PIGH: variants seen among roughly 807,000 people sequenced by gnomAD.
PIGH encodes phosphatidylinositol glycan anchor biosynthesis class H.
PIGH carries 11 observed loss-of-function variants against 20.1 expected under a neutral mutation model. That is an observed-to-expected ratio of 0.55 (90% confidence interval 0.34 to 0.91). The LOEUF is 0.91. Among genes scored for constraint, PIGH ranks in the 40% least tolerant of loss-of-function variants. The pLI is 0.02. For missense variants in PIGH, 189 were observed against 233.6 expected, an observed-to-expected ratio of 0.81 and a Z score of 1.24; for synonymous variants, 72 against 93.1, an observed-to-expected ratio of 0.77 and a Z score of 1.31.
At position 67,589,758 on chromosome 14, in the gene PIGH, A is replaced by T. The variant is rs1333568405; in HGVS notation, c.*322T>A. 2 of 1,038,450 alleles carry T rather than the reference A, an allele frequency of 1.9e-6. No individual in the cohort carries two copies. The highest frequency in any genetic ancestry group is 3.4e-5 in the African/African-American group (2 of 59,304). The allele number at this position is 1,038,450 out of a possible 1,614,324, so 64.3% of individuals were successfully genotyped here. On this transcript the variant is annotated 3_prime_UTR_variant, in exon 4 of 4. Coordinates refer to ENST00000216452, the MANE Select transcript of PIGH (RefSeq NM_004569.5). ...TTTCCCATTGTTTTGCTTCACAAAC[A>T]TCAACAAAGTAAACCTGAACATGCT... is the stretch of plus-strand genomic sequence containing the variant.
rs2036297080 is a variant in PIGH, at chr14:67,589,408, C to CAA, written c.*670_*671dup. On this transcript the variant is annotated 3_prime_UTR_variant, in exon 4 of 4. Transcript: ENST00000216452. ...TGGCCTTTTGTCTCATCCTTCTTGG[C>CAA]AAAAGTAGCTTTTGAACTGATATAA... is the stretch of plus-strand genomic sequence containing the variant. 35 of 985,188 alleles carry CAA rather than the reference C, an allele frequency of 3.6e-5. No homozygotes were observed. Among genetic ancestry groups the CAA allele is most frequent in the Non-Finnish European group, 4.2e-5 (35 of 829,828 alleles). 61.0% of individuals were successfully genotyped at this position (985,188 alleles called of 1,614,324 possible).
At chr14:67,599,463 T>G (rs925349119) in intron 1 of PIGH, among the ~76,000 whole-genome samples, 1 of 152,058 alleles carries the variant, frequency 6.6e-6, no homozygotes, top group Non-Finnish European at 1.5e-5. Context: ...AGAAAGTACT[T>G]GAAATTGGGG....
intron 1 of PIGH, among the ~76,000 whole-genome samples, chr14:67,595,237 A>T (rs1443405979): frequency 6.6e-6 from 1 of 152,230 alleles, no homozygotes. Context: ...ACGTGTGGTA[A>T]ATCTCATATA....
intron 3 of PIGH, chr14:67,592,117 C>A: frequency 5.7e-6 from 1 of 174,140 alleles, no homozygotes; most frequent in Non-Finnish European, 1.2e-5. Flanking sequence ...GCAGAAGTTG[C>A]TATATATTTG....
At chr14:67,594,701 C>T (rs1249884235) in intron 1 of PIGH, among the ~76,000 whole-genome samples, 1 of 151,138 alleles carries the variant, frequency 6.6e-6, no homozygotes, top group Non-Finnish European at 1.5e-5. Context: ...CAGCAGAATA[C>T]AGGAGGGAGT....
Position 67,589,801 on chromosome 14 carries a change from G to T in PIGH, c.*279C>A. Reference sequence around the variant, plus strand: ...AACATGCTTAGCAATTTCCGAAAGTGTTCTTTGCTGACATTACTTTTGACA... The same window carrying T: ...AACATGCTTAGCAATTTCCGAAAGTTTTCTTTGCTGACATTACTTTTGACA... On this transcript the variant is annotated 3_prime_UTR_variant, in exon 4 of 4. Coordinates refer to ENST00000216452, the MANE Select transcript of PIGH (RefSeq NM_004569.5). 1 of 1,127,346 alleles carries T rather than the reference G, an allele frequency of 8.9e-7. No homozygotes were observed. The highest frequency in any genetic ancestry group is 1.1e-6 in the Non-Finnish European group (1 of 922,334). 69.8% of individuals were successfully genotyped at this position (1,127,346 alleles called of 1,614,324 possible).
At position 67,589,946 on chromosome 14, in the gene PIGH, C is replaced by G. The variant is rs1467169183; in HGVS notation, c.*134G>C. On this transcript the variant is annotated 3_prime_UTR_variant, in exon 4 of 4. Transcript: ENST00000216452. ...AGATTTCCAGTCACCTGCTCTATGG[C>G]TCTAAGATGCACTACATCCATAATG... The G allele has an allele frequency of 8.9e-6, 12 of 1,346,156 alleles. No individual in the cohort carries two copies. The highest frequency in any genetic ancestry group is 3.4e-5 in the Admixed American group (1 of 29,762). The allele number at this position is 1,346,156 out of a possible 1,614,324, so 83.4% of individuals were successfully genotyped here. A position where few individuals can be genotyped will look rare whatever the true frequency, so the allele number is the denominator to read the frequency against.
intron 2 of PIGH, 42 bp from the exon 3 acceptor site, chr14:67,592,760 C>T (rs202100456): frequency 8.8e-7 from 1 of 1,138,634 alleles, no homozygotes; most frequent in Non-Finnish European, 1.3e-6. Context: ...AAGTGAAACT[C>T]ATTTTGCATT....
chr14:67,589,783 T>C lies in PIGH; in HGVS notation c.*297A>G. On this transcript the variant is annotated 3_prime_UTR_variant, in exon 4 of 4. Coordinates refer to ENST00000216452, the MANE Select transcript of PIGH (RefSeq NM_004569.5). ...ATCAACAAAGTAAACCTGAACATGCTTAGCAATTTCCGAAAGTGTTCTTTG... is the reference window on the plus strand; with the variant it reads ...ATCAACAAAGTAAACCTGAACATGCCTAGCAATTTCCGAAAGTGTTCTTTG... 2 of 1,086,824 alleles carry C rather than the reference T, an allele frequency of 1.8e-6. No individual in the cohort carries two copies. The highest frequency in any genetic ancestry group is 2.2e-6 in the Non-Finnish European group (2 of 896,056). 67.3% of individuals were successfully genotyped at this position (1,086,824 alleles called of 1,614,324 possible). A position where few individuals can be genotyped will look rare whatever the true frequency, so the allele number is the denominator to read the frequency against.
intron 1 of PIGH, among the ~76,000 whole-genome samples, chr14:67,597,150 C>T (rs917207735): frequency 1.3e-5 from 2 of 152,224 alleles, no homozygotes; most frequent in African/African-American, 4.8e-5. Flanking sequence ...ACAGACCCCA[C>T]AGAACCTGCT....
At position 67,589,543 on chromosome 14, in the gene PIGH, T is replaced by C. The variant is rs2036303218; in HGVS notation, c.*537A>G. ...GCTATCTGTGAACCAGGTAACTGTG[T>C]GTTTTGGAAGATCTGTTTATTAACA... On this transcript the variant is annotated 3_prime_UTR_variant, in exon 4 of 4. Transcript: ENST00000216452. 1 of 985,334 alleles carries C rather than the reference T, an allele frequency of 1.0e-6. No individual in the cohort carries two copies. Among genetic ancestry groups the C allele is most frequent in the Admixed American group, 6.1e-5 (1 of 16,268 alleles). 61.0% of individuals were successfully genotyped at this position (985,334 alleles called of 1,614,324 possible).
chr14:67,592,820 CTG>C (rs1487620751), intron 2 of PIGH, 102 bp from the exon 3 acceptor site: 13 of 769,600 alleles, frequency 1.7e-5, no homozygotes, highest in Non-Finnish European at 2.4e-5. Flanking sequence ...GAGTCTCTCT[CTG>C]TTGCCCAAGC....
intron 1 of PIGH, among the ~76,000 whole-genome samples, chr14:67,599,030 ATAGT>A (rs1333144461): frequency 3.9e-5 from 6 of 152,188 alleles, no homozygotes; most frequent in African/African-American, 1.2e-4. Context: ...TACGGTTTAG[ATAGT>A]TAGATAGTTT....
chr14:67,590,249 ATTT>A (rs34186099), intron 3 of PIGH, 77 bp from the exon 4 acceptor site: 16,271 of 722,610 alleles, frequency 0.023, no homozygotes, highest in South Asian at 0.035. Context: ...CCACTTGCAA[ATTT>A]TTTTTTTTTT....
chr14:67,599,782 A>C (rs1566782249), intron 1 of PIGH, among the ~76,000 whole-genome samples: 1 of 152,164 alleles, frequency 6.6e-6, no homozygotes, highest in East Asian at 1.9e-4. Flanking sequence ...GAGTGAACCC[A>C]CGGAGCAGAG....
At position 67,592,764 on chromosome 14, in the gene PIGH, T is replaced by G. The variant is rs75527928; in HGVS notation, c.391-46A>C. 4.9e-4 allele frequency: 558 copies of G among 1,136,044 alleles called. 5 individuals are homozygous for G. The East Asian group carries it at 0.012, about 24-fold the overall frequency. 70.4% of individuals were successfully genotyped at this position (1,136,044 alleles called of 1,614,324 possible). A position where few individuals can be genotyped will look rare whatever the true frequency, so the allele number is the denominator to read the frequency against. The stretch of plus-strand genomic sequence containing the variant: ...TAGCAAAGTCTAAGTGAAACTCATT[T>G]TGCATTCTTTTTTTCTTTTTCCTTT... On this transcript the variant is annotated intron_variant, in intron 2 of 3. Transcript: ENST00000216452.
In PIGH at chr14:67,592,812, G is replaced by C. The variant is rs1312808423; in HGVS notation, c.391-94C>G. ...TTTATTTATTTATTTTTGAGACAGAGTCTCTCTCTGTTGCCCAAGCTGCAG... is the reference window on the plus strand; with the variant it reads ...TTTATTTATTTATTTTTGAGACAGACTCTCTCTCTGTTGCCCAAGCTGCAG... On this transcript the variant is annotated intron_variant, in intron 2 of 3. Coordinates refer to ENST00000216452, the MANE Select transcript of PIGH (RefSeq NM_004569.5). 3.6e-5 allele frequency: 29 copies of C among 808,580 alleles called. 1 individual carries two copies. In the South Asian group the frequency reaches 4.5e-4, roughly 13 times the overall value. The allele number at this position is 808,580 out of a possible 1,614,324, so 50.1% of individuals were successfully genotyped here.
rs531558095 is a variant in PIGH at position 67,591,146 on chromosome 14, T to C, written c.475-974A>G. ...GATTCTACTTGACTAATAGAGAAGATAGGTAGTTTAAAGTAAGAGGAAATA... is the reference window on the plus strand; with the variant it reads ...GATTCTACTTGACTAATAGAGAAGACAGGTAGTTTAAAGTAAGAGGAAATA... On this transcript the variant is annotated intron_variant, in intron 3 of 3. Transcript: ENST00000216452. 1.6e-4 allele frequency among the ~76,000 whole-genome samples: 25 copies of C among 152,198 alleles called. No homozygotes were observed. In the South Asian group the frequency reaches 2.5e-3, roughly 15 times the overall value.
Position 67,593,988 on chromosome 14 carries a change from C to T in PIGH, c.181-36G>A, listed in dbSNP as rs77630013. ...AGCCAGACACAGACAGTAAGATTAC[C>T]AAGTGGTACCAGTCAACTCCAGGCA... On this transcript the variant is annotated intron_variant, in intron 1 of 3. Coordinates refer to ENST00000216452, the MANE Select transcript of PIGH (RefSeq NM_004569.5). The T allele has an allele frequency of 4.1e-3, 5,842 of 1,417,476 alleles. 356 individuals are homozygous for T. The East Asian group carries it at 0.12, about 29-fold the overall frequency. 87.8% of individuals were successfully genotyped at this position (1,417,476 alleles called of 1,614,324 possible).
Sources: allele counts gnomAD v4.1 joint callset (sites outside exome capture counted in the v4.1 genomes callset), GRCh38; gene constraint gnomAD v4.1.1; transcripts MANE v1.5; gene names NCBI Gene and HGNC (gene_info 2026-07-23, HGNC 2026-07-21).